Variants in AGTPBP1 observed in about 807,000 individuals in gnomAD.
AGTPBP1 encodes ATP/GTP binding carboxypeptidase 1.
AGTPBP1 carries 70 observed loss-of-function variants against 143.9 expected under a neutral mutation model. The observed-to-expected ratio is 0.49, with a 90% CI of 0.40 to 0.59. The LOEUF (loss-of-function observed/expected upper bound fraction) is 0.59, where lower values mean the gene tolerates loss of function less well. Among genes scored for constraint, AGTPBP1 ranks in the 20% least tolerant of loss-of-function variants. AGTPBP1 has a pLI of 0.00. For missense variants in AGTPBP1, 1,229 were observed against 1,464.5 expected (o/e 0.84, Z 2.62); for synonymous variants, 463 against 500.2 (o/e 0.93, Z 0.99).
chr9:85,555,235 AT>A lies in AGTPBP1; in HGVS notation c.3504-7950del, dbSNP rs1202489989. 2.6e-5 allele frequency among the ~76,000 whole-genome samples: 4 copies of A among 152,222 alleles called. No homozygotes were observed. The East Asian group carries it at 7.7e-4, about 29-fold the overall frequency. Reference sequence around the variant, plus strand: ...ACCAACTCTCAGCACTCATAGCAAAATTGCTAAAAACCAGAAATAGAAAAAC... The same window carrying A: ...ACCAACTCTCAGCACTCATAGCAAAATGCTAAAAACCAGAAATAGAAAAAC... On this transcript the variant is annotated intron_variant, in intron 25 of 25. Transcript: ENST00000357081.
chr9:85,717,055 T>G (rs73481009), intron 1 of AGTPBP1, among the ~76,000 whole-genome samples: 1 of 152,186 alleles, frequency 6.6e-6, no homozygotes, highest in Admixed American at 6.5e-5. Flanking sequence ...ACCACTTCCA[T>G]TGCTCAAGTA....
At position 85,678,418 on chromosome 9, in the gene AGTPBP1, T is replaced by A; in HGVS notation, c.226-20A>T. ...TGTGTTCTGAAATAAATAGTTTGTT[T>A]TATTAAAACATTGTAAACTTTTGAT... On this transcript the variant is annotated intron_variant, in intron 4 of 25. Coordinates refer to ENST00000357081, the MANE Select transcript of AGTPBP1 (RefSeq NM_001330701.2). The A allele has an allele frequency of 6.7e-7, 1 of 1,499,012 alleles. No homozygotes were observed. The highest frequency in any genetic ancestry group is 1.2e-5 in the South Asian group (1 of 82,316). 92.9% of individuals were successfully genotyped at this position (1,499,012 alleles called of 1,614,324 possible).
intron 25 of AGTPBP1, among the ~76,000 whole-genome samples, chr9:85,570,340 C>T (rs4877942): frequency 0.31 from 46,709 of 152,046 alleles, 11,318 homozygotes; most frequent in African/African-American, 0.66. Context: ...ACTGAAACCA[C>T]AGAAAGTGAA....
At chr9:85,772,311 T>A in the AGTPBP1 span, among the ~76,000 whole-genome samples, 1 of 152,086 alleles carries the variant, frequency 6.6e-6, no homozygotes. Context: ...CTGGCTAAGG[T>A]CAGTGGATTT....
intron 13 of AGTPBP1, among the ~76,000 whole-genome samples, chr9:85,636,338 T>A (rs1832047306): frequency 6.8e-6 from 1 of 147,296 alleles, no homozygotes; most frequent in South Asian, 2.2e-4. Flanking sequence ...CTCAGCTCAC[T>A]GCAAGCTCCA....
intron 1 of AGTPBP1, among the ~76,000 whole-genome samples, chr9:85,715,021 C>T (rs188622096): frequency 2.0e-5 from 3 of 151,918 alleles, no homozygotes; most frequent in Non-Finnish European, 4.4e-5. Context: ...CCAAGGCGGG[C>T]GGATGACCCG....
At chr9:85,618,909 T>G (rs912255201) in intron 17 of AGTPBP1, 74 bp downstream of exon 17, 1 of 1,470,224 alleles carries the variant, frequency 6.8e-7, no homozygotes, top group Non-Finnish European at 9.1e-7. Context: ...AGTTGACAAT[T>G]TTTTTAAAAA....
At chr9:85,742,861 T>C (rs902888552), upstream of AGTPBP1, among the ~76,000 whole-genome samples, 3 of 152,238 alleles carry the variant, frequency 2.0e-5, no homozygotes, top group Admixed American at 6.5e-5. Flanking sequence ...AGGAATGTAA[T>C]ATCACAACTA....
chr9:85,736,614 C>A (rs117964124), intron 1 of AGTPBP1, among the ~76,000 whole-genome samples: 1 of 152,242 alleles, frequency 6.6e-6, no homozygotes, highest in East Asian at 1.9e-4. Flanking sequence ...CACTTCACTT[C>A]TTAATCAAAC....
Position 85,579,006 on chromosome 9 carries a change from G to A in AGTPBP1, c.3256C>T (p.Arg1086Cys), listed in dbSNP as rs1564026859. 1.9e-6 allele frequency: 3 copies of A among 1,611,848 alleles called. No individual in the cohort carries two copies. Among genetic ancestry groups the A allele is most frequent in the South Asian group, 1.1e-5 (1 of 90,736 alleles). Residue 1086 changes from arginine to cysteine, a missense_variant, in exon 24 of 26, where the codon CGT becomes TGT. Physicochemically the swap from Arg to Cys is radical, Grantham distance 180. Transcript: ENST00000357081. ...CCTATTTCCCTCCAAACTACAACAC[G>A]TGCTGTGGATTCTTTAGATTTTTCC... ...VVEKSKESTARVVVWREIGVQ... is the reference protein window; with the variant it reads ...VVEKSKESTACVVVWREIGVQ...
At chr9:85,763,155 G>A in the AGTPBP1 span, among the ~76,000 whole-genome samples, 112 of 151,862 alleles carry the variant, frequency 7.4e-4, no homozygotes, top group African/African-American at 2.5e-3. Context: ...GCTAGAATAA[G>A]CATTTTCAGG....
chr9:85,587,339 A>G (rs1029283444), intron 21 of AGTPBP1, among the ~76,000 whole-genome samples: 21 of 152,180 alleles, frequency 1.4e-4, no homozygotes, highest in Non-Finnish European at 2.8e-4. Context: ...AGCATGCTAT[A>G]TCTTGACTTC....
chr9:85,737,629 T>G (rs1032198758), intron 1 of AGTPBP1, among the ~76,000 whole-genome samples: 30 of 152,254 alleles, frequency 2.0e-4, no homozygotes, highest in African/African-American at 7.2e-4. Flanking sequence ...TTGGAAGATC[T>G]GCATAACACT....
the AGTPBP1 span, among the ~76,000 whole-genome samples, chr9:85,775,238 A>G: frequency 6.6e-6 from 1 of 151,984 alleles, no homozygotes; most frequent in Admixed American, 6.6e-5. Context: ...CCAGAGGTTG[A>G]GCCTGCAGTG....
At chr9:85,661,257 G>A (rs1833840814) in intron 8 of AGTPBP1, among the ~76,000 whole-genome samples, 1 of 152,058 alleles carries the variant, frequency 6.6e-6, no homozygotes, top group African/African-American at 2.4e-5. Flanking sequence ...TCAGAAGTTA[G>A]ATGAACGGAA....
chr9:85,599,109 GAACA>G (rs1185771092), intron 17 of AGTPBP1, among the ~76,000 whole-genome samples: 1 of 88,090 alleles, frequency 1.1e-5, no homozygotes. Flanking sequence ...CCTTGTCACT[GAACA>G]CACACACACA....
intron 3 of AGTPBP1, 146 bp from the exon 4 acceptor site, chr9:85,681,481 T>C: frequency 9.4e-6 from 6 of 636,742 alleles, no homozygotes; most frequent in South Asian, 8.0e-5. Context: ...TTCCCTCTGA[T>C]GTTGCTAATT....
the AGTPBP1 span, among the ~76,000 whole-genome samples, chr9:85,779,190 T>C: frequency 9.8e-5 from 6 of 61,392 alleles, no homozygotes; most frequent in African/African-American, 1.7e-4. Context: ...TAGATATAGA[T>C]ATAGATATAG....
chr9:85,670,784 C>T (rs886936775), intron 7 of AGTPBP1, among the ~76,000 whole-genome samples: 7 of 152,100 alleles, frequency 4.6e-5, no homozygotes, highest in Non-Finnish European at 8.8e-5. Flanking sequence ...AAAATGCCAC[C>T]AAAAATGTAG....
Sources: gnomAD v4.1 joint callset for allele counts (sites outside exome capture counted in the v4.1 genomes callset) on GRCh38, gnomAD v4.1.1 for gene constraint, MANE v1.5 for transcripts, NCBI Gene and HGNC (gene_info 2026-07-23, HGNC 2026-07-21) for gene names.